Variants in FCAMR observed in about 807,000 individuals in gnomAD.
FCAMR encodes Fc alpha and mu receptor.
FCAMR carries 51 observed loss-of-function variants against 52.2 expected under a neutral mutation model. That is an observed-to-expected ratio of 0.98 (90% CI 0.78 to 1.23). The LOEUF (loss-of-function observed/expected upper bound fraction) is 1.23. Ranked by LOEUF, FCAMR falls within the 50% of genes most tolerant of loss-of-function variation. FCAMR has a pLI of 0.00. For synonymous variants in FCAMR, 282 were observed against 262.0 expected, an observed-to-expected ratio of 1.08 and a Z score of -0.74; for missense variants, 719 against 712.6, an observed-to-expected ratio of 1.01 and a Z score of -0.10.
intron 6 of FCAMR, chr1:206,960,219 A>G (rs937440051): frequency 3.4e-6 from 2 of 580,504 alleles, no homozygotes; most frequent in South Asian, 2.7e-5. Context: ...TATCATTTAG[A>G]TATCACTTGA....
At chr1:206,970,050 G>A in intron 1 of FCAMR, 37 bp downstream of exon 1, 2 of 1,613,366 alleles carry the variant, frequency 1.2e-6, no homozygotes, top group East Asian at 4.5e-5. Context: ...ACATTCAGAG[G>A]CAAGATCCCA....
rs1680547490 is a variant in FCAMR at position 206,962,430 on chromosome 1, C to T, written c.435G>A (p.Leu145=). 6.2e-7 allele frequency: 1 copy of T among 1,614,024 alleles called. No individual in the cohort carries two copies. Among genetic ancestry groups the T allele is most frequent in the Admixed American group, 1.7e-5 (1 of 60,002 alleles). The change falls in exon 5 of 8, where the codon CTG becomes CTA. Residue 145 remains leucine (L), a synonymous_variant. Transcript: ENST00000324852. ...TCTGGCAGATCCATCTTGGGGGCCCCAGACGGCACCAGTACTTCCTCTGGT... is the reference window on the plus strand; with the variant it reads ...TCTGGCAGATCCATCTTGGGGGCCCTAGACGGCACCAGTACTTCCTCTGGT... ...NRHQRKYWCR[L]GPPRWICQTI...
rs767535460 is a variant in FCAMR, at chr1:206,965,807, T to A, written c.221A>T (p.Glu74Val). The A allele has an allele frequency of 5.6e-6, 9 of 1,598,540 alleles. No individual in the cohort carries two copies. Among genetic ancestry groups the A allele is most frequent in the Non-Finnish European group, 7.7e-6 (9 of 1,173,732 alleles). ...ATGGGTCCTGGAGGGGAGAGAGCCC[T>A]CCCACAGCCATCTCGGATGGGGTCT... ...QKRPHPRWLW[E>V]GSLPSRTHLR... Residue 74 changes from glutamate to valine, a missense_variant, in exon 4 of 8, where the codon GAG becomes GTG. Coordinates refer to ENST00000324852, the MANE Select transcript of FCAMR (RefSeq NM_001170631.2).
At chr1:206,967,681 A>G (rs200459551) in intron 1 of FCAMR, 30 bp from the exon 2 acceptor site, 1 of 1,608,780 alleles carries the variant, frequency 6.2e-7, no homozygotes, top group Admixed American at 1.7e-5. Context: ...TGGTTTTTTC[A>G]AGGGAAGATT....
Position 206,962,200 on chromosome 1 carries a change from C to T in FCAMR, c.652+13G>A, listed in dbSNP as rs747975636. 7.5e-6 allele frequency: 12 copies of T among 1,608,622 alleles called. No individual in the cohort carries two copies. Among genetic ancestry groups the T allele is most frequent in the East Asian group, 4.5e-5 (2 of 44,756 alleles). On this transcript the variant is annotated intron_variant, in intron 5 of 7. Coordinates refer to ENST00000324852, the MANE Select transcript of FCAMR (RefSeq NM_001170631.2). ...GCTTCACCAAGCTTGGCCCATCAGC[C>T]GTCAGCTCATACCTGCAGAGATGGT... is the stretch of plus-strand genomic sequence containing the variant.
intron 4 of FCAMR, among the ~76,000 whole-genome samples, chr1:206,964,560 C>G (rs144097105): frequency 1.3e-3 from 190 of 151,898 alleles, no homozygotes; most frequent in Non-Finnish European, 2.3e-3. Flanking sequence ...GATCTGGGGC[C>G]TCCCCCCACC....
chr1:206,959,488 A>G (rs1558022351), intron 7 of FCAMR, among the ~76,000 whole-genome samples, 191 bp downstream of exon 7: 4 of 151,500 alleles, frequency 2.6e-5, no homozygotes, highest in African/African-American at 7.3e-5. Context: ...AAAAAAAAAA[A>G]AAAGAAAAGA....
At chr1:206,967,732 T>A (rs1420516263) in intron 1 of FCAMR, 81 bp from the exon 2 acceptor site, 6 of 1,318,910 alleles carry the variant, frequency 4.5e-6, no homozygotes, top group Non-Finnish European at 5.5e-6. Flanking sequence ...TAACAAGGAG[T>A]TAAAAATTAA....
chr1:206,966,680 G>A (rs924520238), intron 3 of FCAMR, among the ~76,000 whole-genome samples: 2 of 152,170 alleles, frequency 1.3e-5, no homozygotes, highest in South Asian at 4.1e-4. Flanking sequence ...CATCACGTCC[G>A]ACCTTATTGG....
At chr1:206,959,052 CTCTG>C in intron 7 of FCAMR, 1 of 450,076 alleles carries the variant, frequency 2.2e-6, no homozygotes, top group Non-Finnish European at 4.5e-6. Context: ...CACTCCTGCT[CTCTG>C]CTGTGAGGGT....
In FCAMR at chr1:206,958,249, T is replaced by C; in HGVS notation, c.*267A>G. On this transcript the variant is annotated 3_prime_UTR_variant, in exon 8 of 8. Coordinates refer to ENST00000324852, the MANE Select transcript of FCAMR (RefSeq NM_001170631.2). ...TTTCAAACATTCAGGAATGGAAATT[T>C]CATGCTTTTCCTAGGTGACCTCTTC... The C allele has an allele frequency of 2.8e-6, 1 of 361,326 alleles. No individual in the cohort carries two copies. The highest frequency in any genetic ancestry group is 2.1e-5 in the African/African-American group (1 of 47,890). The allele number at this position is 361,326 out of a possible 1,614,324, so 22.4% of individuals were successfully genotyped here. A position where few individuals can be genotyped will look rare whatever the true frequency, so the allele number is the denominator to read the frequency against.
rs1356797622 is a variant in FCAMR, at chr1:206,962,194, A to C, written c.652+19T>G. On this transcript the variant is annotated intron_variant, in intron 5 of 7. Transcript: ENST00000324852. ...GAACGTGCTTCACCAAGCTTGGCCC[A>C]TCAGCCGTCAGCTCATACCTGCAGA... 6.2e-7 allele frequency: 1 copy of C among 1,605,286 alleles called. No individual in the cohort carries two copies. The highest frequency in any genetic ancestry group is 1.1e-5 in the South Asian group (1 of 90,720).
At chr1:206,961,617 T>G (rs2102619047) in intron 5 of FCAMR, among the ~76,000 whole-genome samples, 1 of 152,354 alleles carries the variant, frequency 6.6e-6, no homozygotes, top group East Asian at 1.9e-4. Flanking sequence ...GAGAGCAGCA[T>G]CTAATAGAAC....
chr1:206,960,211 T>A (rs1680446881), intron 6 of FCAMR: 1 of 573,566 alleles, frequency 1.7e-6, no homozygotes, highest in Admixed American at 3.4e-5. Flanking sequence ...TGTCTTTCTA[T>A]CATTTAGATA....
Position 206,970,117 on chromosome 1 carries a change from T to G in FCAMR, c.9A>C (p.Gly3=). 6.2e-7 allele frequency: 1 copy of G among 1,614,098 alleles called. No homozygotes were observed. Among genetic ancestry groups the G allele is most frequent in the Non-Finnish European group, 8.5e-7 (1 of 1,179,980 alleles). Reference sequence around the variant, plus strand: ...GTTCTCCAGGCTTCACTGTGGCCTCTCCATCCATCTCAGTCCAGAAACAAG... The same window carrying G: ...GTTCTCCAGGCTTCACTGTGGCCTCGCCATCCATCTCAGTCCAGAAACAAG... The part of the protein sequence containing the change: MD[G]EATVKPGEQK... The change falls in exon 1 of 8, where the codon GGA becomes GGC. Residue 3 remains glycine, a synonymous_variant. Transcript: ENST00000324852.
At position 206,960,944 on chromosome 1, in the gene FCAMR, C is replaced by T; in HGVS notation, c.932G>A (p.Ser311Asn). 1 of 1,552,186 alleles carries T rather than the reference C, an allele frequency of 6.4e-7. No individual in the cohort carries two copies. Among genetic ancestry groups the T allele is most frequent in the South Asian group, 1.2e-5 (1 of 84,068 alleles). The stretch of plus-strand genomic sequence containing the variant: ...CATGCTTCTGCTCTTTGAAGGTGGA[C>T]TCTCTGGAATCGGAGCAGGTGCTTT... ...SVKAPAPIPE[S>N]PPSKSRSMSN... The change falls in exon 6 of 8, where the codon AGT (serine) becomes AAT (asparagine). Residue 311 changes from serine to asparagine, a missense_variant. Ser to Asn is a conservative substitution (Grantham distance 46). Transcript: ENST00000324852.
chr1:206,962,514 C>T lies in FCAMR; in HGVS notation c.351G>A (p.Gly117=). ...NSLKGSRLVS[G]EPGGAVTIQC... ...GGATGGTGACAGCTCCTCCAGGCTC[C>T]CCTGACACCAGCCTTGAGCCCTTCA... Residue 117 remains glycine (G), a synonymous_variant, in exon 5 of 8, where the codon GGG becomes GGA. Transcript: ENST00000324852. 1 of 1,598,132 alleles carries T rather than the reference C, an allele frequency of 6.3e-7. No individual in the cohort carries two copies. The highest frequency in any genetic ancestry group is 8.6e-7 in the Non-Finnish European group (1 of 1,169,024).
rs909151401 is a variant in FCAMR, at chr1:206,970,377, C to T, written c.-252G>A. The T allele has an allele frequency of 2.2e-6, 1 of 458,054 alleles. No individual in the cohort carries two copies. The highest frequency in any genetic ancestry group is 2.0e-5 in the African/African-American group (1 of 49,226). The allele number at this position is 458,054 out of a possible 1,614,324, so 28.4% of individuals were successfully genotyped here. A position where few individuals can be genotyped will look rare whatever the true frequency, so the allele number is the denominator to read the frequency against. On this transcript the variant is annotated 5_prime_UTR_variant, in exon 1 of 8. Coordinates refer to ENST00000324852, the MANE Select transcript of FCAMR (RefSeq NM_001170631.2). ...CCTAATCCCTTGTCATTCTTACTGTCACTTATTCCTGAAGAACTTTTCCAG... is the reference window on the plus strand; with the variant it reads ...CCTAATCCCTTGTCATTCTTACTGTTACTTATTCCTGAAGAACTTTTCCAG...
Position 206,966,417 on chromosome 1 carries a change from G to A in FCAMR, c.170-559C>T, listed in dbSNP as rs953136402. On this transcript the variant is annotated intron_variant, in intron 3 of 7. Transcript: ENST00000324852. Reference sequence around the variant, plus strand: ...TGTTTTTGTTTTGAGATGGAGTCTCGCTCTATTGCCCAGGTTGGAGTGCAG... The same window carrying A: ...TGTTTTTGTTTTGAGATGGAGTCTCACTCTATTGCCCAGGTTGGAGTGCAG... Among the ~76,000 whole-genome samples the A allele has an allele frequency of 6.6e-5, 10 of 152,100 alleles. 1 individual carries two copies. The highest frequency in any genetic ancestry group is 5.8e-4 in the East Asian group (3 of 5,200).
Sources: allele counts gnomAD v4.1 joint callset (sites outside exome capture counted in the v4.1 genomes callset), GRCh38; gene constraint gnomAD v4.1.1; transcripts MANE v1.5; gene names NCBI Gene and HGNC (gene_info 2026-07-23, HGNC 2026-07-21).